The following ADAMTS18 variants were observed in gnomAD, a reference collection of about 807,000 sequenced individuals.
ADAMTS18 encodes the protein A disintegrin and metalloproteinase with thrombospondin motifs 18.
In ADAMTS18, 157 loss-of-function variants were observed where a neutral mutation model predicts 165.9. That is an observed-to-expected ratio of 0.95 (90% CI 0.83 to 1.08). The LOEUF (loss-of-function observed/expected upper bound fraction) is 1.08. Among genes scored for constraint, ADAMTS18 ranks in the 50% least tolerant of loss-of-function variants. The pLI is 0.00. For missense variants in ADAMTS18, 2,040 were observed against 1,534.0 expected (o/e 1.33, Z -5.51); for synonymous variants, 782 against 578.2 (o/e 1.35, Z -5.06).
At chr16:77,400,443 T>C (rs1323289732) in intron 3 of ADAMTS18, among the ~76,000 whole-genome samples, 1 of 100,394 alleles carries the variant, frequency 1.0e-5, no homozygotes, top group African/African-American at 3.7e-5. Context: ...TGTGTGTGTG[T>C]GTGTGTGTGT....
intron 8 of ADAMTS18, 56 bp downstream of exon 8, chr16:77,359,262 C>G: frequency 1.4e-6 from 2 of 1,441,836 alleles, no homozygotes; most frequent in Non-Finnish European, 1.9e-6. Context: ...TAGAGGAACA[C>G]CAATGAATCA....
At chr16:77,411,010 A>G (rs577212791) in intron 3 of ADAMTS18, among the ~76,000 whole-genome samples, 16 of 152,288 alleles carry the variant, frequency 1.1e-4, no homozygotes, top group Non-Finnish European at 2.1e-4. Context: ...ACTTATTCCA[A>G]CTGAAACCCT....
chr16:77,284,003 T>C lies in ADAMTS18; in HGVS notation c.3619A>G (p.Lys1207Glu). The change falls in exon 23 of 23, where the codon AAG (lysine) becomes GAG (glutamate). Residue 1207 changes from lysine (K) to glutamate (E), a missense_variant. Lys to Glu is a moderately conservative substitution (Grantham distance 56). Coordinates refer to ENST00000282849, the MANE Select transcript of ADAMTS18 (RefSeq NM_199355.4). The stretch of plus-strand genomic sequence containing the variant: ...TTGCAGCATTGTTTTCCGTAAAACT[T>C]GTGGTTGCAGACACCATGCTGAGGA... ...LVPQHGVCNH[K>E]FYGKQCCKSC... is the part of the protein sequence containing the mutation. 6.2e-7 allele frequency: 1 copy of C among 1,614,102 alleles called. No individual in the cohort carries two copies. Among genetic ancestry groups the C allele is most frequent in the Non-Finnish European group, 8.5e-7 (1 of 1,179,972 alleles).
At chr16:77,314,202 C>T (rs758060441) in intron 16 of ADAMTS18, among the ~76,000 whole-genome samples, 84 of 152,102 alleles carry the variant, frequency 5.5e-4, no homozygotes, top group Admixed American at 2.6e-3. Context: ...GTTAACTCAA[C>T]GATCAAGGCT....
chr16:77,415,265 T>G (rs1328622251), intron 3 of ADAMTS18, among the ~76,000 whole-genome samples: 1 of 152,218 alleles, frequency 6.6e-6, no homozygotes, highest in African/African-American at 2.4e-5. Flanking sequence ...TAGGAGCTCT[T>G]TGCGGAAAGT....
chr16:77,353,908 A>C (rs2056592196), intron 9 of ADAMTS18, 22 bp from the exon 10 acceptor site: 1 of 1,613,942 alleles, frequency 6.2e-7, no homozygotes, highest in African/African-American at 1.3e-5. Flanking sequence ...ATACATGCTT[A>C]TTAATTACTC....
chr16:77,335,647 TA>T, intron 12 of ADAMTS18, 108 bp downstream of exon 12: 1 of 1,351,466 alleles, frequency 7.4e-7, no homozygotes, highest in Non-Finnish European at 1.0e-6. Context: ...TATGTAGCCA[TA>T]ATAATTAAAA....
intron 12 of ADAMTS18, among the ~76,000 whole-genome samples, chr16:77,334,701 T>C (rs1282098266): frequency 7.9e-5 from 6 of 76,230 alleles, no homozygotes; most frequent in South Asian, 3.8e-4. Flanking sequence ...ATAGTATATA[T>C]ATACTGTATA....
chr16:77,327,675 A>G (rs2056119500), intron 12 of ADAMTS18, among the ~76,000 whole-genome samples: 1 of 152,196 alleles, frequency 6.6e-6, no homozygotes, highest in Non-Finnish European at 1.5e-5. Context: ...GTGTTAAGGA[A>G]ATCTGTAAAC....
intron 16 of ADAMTS18, among the ~76,000 whole-genome samples, chr16:77,313,046 A>C (rs2055812630): frequency 6.6e-6 from 1 of 152,202 alleles, no homozygotes. Context: ...AACCAACCCA[A>C]ATGTCCAAGA....
In ADAMTS18 at chr16:77,396,490, T is replaced by G. The variant is rs2057258618; in HGVS notation, c.496-28767A>C. 3.3e-5 allele frequency among the ~76,000 whole-genome samples: 5 copies of G among 152,234 alleles called. 1 individual carries two copies. The South Asian group carries it at 1.0e-3, about 31-fold the overall frequency. ...CAGTTTCACATGAGTAGTATAATTTTTGAAGGAAGTCGTTATTAGAAACAC... is the reference window on the plus strand; with the variant it reads ...CAGTTTCACATGAGTAGTATAATTTGTGAAGGAAGTCGTTATTAGAAACAC... On this transcript the variant is annotated intron_variant, in intron 3 of 22. Coordinates refer to ENST00000282849, the MANE Select transcript of ADAMTS18 (RefSeq NM_199355.4).
At chr16:77,336,402 A>G (rs2056311465) in intron 11 of ADAMTS18, among the ~76,000 whole-genome samples, 1 of 152,256 alleles carries the variant, frequency 6.6e-6, no homozygotes, top group South Asian at 2.1e-4. Flanking sequence ...CTGAATGATT[A>G]TCTTATCATA....
At chr16:77,391,853 T>C (rs112836322) in intron 3 of ADAMTS18, among the ~76,000 whole-genome samples, 20 of 152,176 alleles carry the variant, frequency 1.3e-4, no homozygotes, top group Non-Finnish European at 2.5e-4. Flanking sequence ...CTTTCTGAGT[T>C]TTCTAAAGAG....
chr16:77,290,948 G>C (rs2144563663), intron 21 of ADAMTS18: 1 of 421,502 alleles, frequency 2.4e-6, no homozygotes, highest in Admixed American at 3.6e-5. Flanking sequence ...AGACTCGAGT[G>C]GTAGTTTCCG....
At chr16:77,425,723 G>C (rs567673928) in intron 3 of ADAMTS18, among the ~76,000 whole-genome samples, 27 of 152,224 alleles carry the variant, frequency 1.8e-4, no homozygotes, top group African/African-American at 6.0e-4. Flanking sequence ...CCTGGTACAA[G>C]ATGTTGATGG....
At chr16:77,391,609 G>A (rs2057188744) in intron 3 of ADAMTS18, among the ~76,000 whole-genome samples, 1 of 152,100 alleles carries the variant, frequency 6.6e-6, no homozygotes, top group Non-Finnish European at 1.5e-5. Flanking sequence ...AGGGGGAAGA[G>A]TCATCCTAAT....
At chr16:77,300,134 G>A (rs1422102724) in intron 17 of ADAMTS18, 129 bp downstream of exon 17, 2 of 1,109,360 alleles carry the variant, frequency 1.8e-6, no homozygotes, top group Non-Finnish European at 2.6e-6. Flanking sequence ...TTGCTTTTAT[G>A]GTGATGGTTC....
At chr16:77,332,473 C>T (rs149420039) in intron 12 of ADAMTS18, among the ~76,000 whole-genome samples, 2 of 152,262 alleles carry the variant, frequency 1.3e-5, no homozygotes, top group African/African-American at 4.8e-5. Flanking sequence ...TCTAAAGATG[C>T]AATTTCTAAT....
At chr16:77,353,418 T>C (rs976163046) in intron 10 of ADAMTS18, among the ~76,000 whole-genome samples, 2 of 152,216 alleles carry the variant, frequency 1.3e-5, no homozygotes, top group East Asian at 3.9e-4. Context: ...TAGGATCATA[T>C]AGAGAACAAA....
Sources: allele counts gnomAD v4.1 joint callset (sites outside exome capture counted in the v4.1 genomes callset), GRCh38; gene constraint gnomAD v4.1.1; transcripts MANE v1.5; gene names NCBI Gene and HGNC (gene_info 2026-07-23, HGNC 2026-07-21).